PGS1: variants seen among roughly 807,000 people sequenced by gnomAD.
PGS1 encodes the protein phosphatidylglycerophosphate synthase 1.
Under a neutral mutation model 58.3 loss-of-function variants are expected in PGS1, and 44 were observed. The ratio of observed to expected loss-of-function variants is 0.75; its 90% CI spans 0.59 to 0.97. The LOEUF is 0.97. Among genes scored for constraint, PGS1 ranks in the 50% least tolerant of loss-of-function variants. The pLI is 0.00. For synonymous variants in PGS1, 330 were observed against 311.0 expected, an observed-to-expected ratio of 1.06 and a Z score of -0.64; for missense variants, 684 against 731.1, an observed-to-expected ratio of 0.94 and a Z score of 0.74.
chr17:78,404,668 C>A (rs1228742860), intron 7 of PGS1, among the ~76,000 whole-genome samples: 6 of 151,948 alleles, frequency 3.9e-5, no homozygotes, highest in Non-Finnish European at 8.8e-5. Flanking sequence ...GAGGAACATG[C>A]CTTAGCTGTG....
At chr17:78,417,413 C>A (rs1037232862) in intron 8 of PGS1, among the ~76,000 whole-genome samples, 14 of 152,200 alleles carry the variant, frequency 9.2e-5, no homozygotes, top group African/African-American at 3.4e-4. Context: ...TGCGGGGCTG[C>A]TCAGTTGGGA....
At chr17:78,411,902 C>CTT (rs35472026) in intron 7 of PGS1, among the ~76,000 whole-genome samples, 5,223 of 58,002 alleles carry the variant, frequency 0.09, 1,525 homozygotes, top group East Asian at 0.52. Flanking sequence ...AGGGCTCCTG[C>CTT]TTTTTTTTTT....
chr17:78,383,251 CTTT>C (rs148101901), intron 1 of PGS1, among the ~76,000 whole-genome samples: 1 of 146,456 alleles, frequency 6.8e-6, no homozygotes. Flanking sequence ...ATTTTCTTTC[CTTT>C]TTTTTTTTTT....
Position 78,424,450 on chromosome 17 carries a change from G to C in PGS1, c.*400G>C. 1 of 367,092 alleles carries C rather than the reference G, an allele frequency of 2.7e-6. No homozygotes were observed. The highest frequency in any genetic ancestry group is 5.4e-5 in the South Asian group (1 of 18,620). 22.7% of individuals were successfully genotyped at this position (367,092 alleles called of 1,614,324 possible). Reference sequence around the variant, plus strand: ...CTGTCAGCCTTAATGTCAGTGGCAGGAAGTCATAACTCCAGCTAAAAATTA... The same window carrying C: ...CTGTCAGCCTTAATGTCAGTGGCAGCAAGTCATAACTCCAGCTAAAAATTA... On this transcript the variant is annotated 3_prime_UTR_variant, in exon 10 of 10. Coordinates refer to ENST00000262764, the MANE Select transcript of PGS1 (RefSeq NM_024419.5).
rs181179626 is a variant in PGS1 at position 78,384,161 on chromosome 17, G to A, written c.143+5353G>A. ...CGACTTCCTTTTGGCTAAGCCAAGG[G>A]GAGAGTCATCTAGTCAGCATGTAGC... On this transcript the variant is annotated intron_variant, in intron 1 of 9. Transcript: ENST00000262764. Among the ~76,000 whole-genome samples the A allele has an allele frequency of 2.8e-3, 429 of 152,276 alleles. 11 individuals are homozygous for A. The highest frequency in any genetic ancestry group is 0.026 in the Admixed American group (403 of 15,296).
chr17:78,404,741 A>ACCT (rs1418637074), intron 7 of PGS1, among the ~76,000 whole-genome samples: 2 of 151,796 alleles, frequency 1.3e-5, no homozygotes, highest in Admixed American at 1.3e-4. Context: ...GCTCACCGCA[A>ACCT]CCTCCTCCTC....
At chr17:78,423,627 T>G in intron 9 of PGS1, 2 of 419,638 alleles carry the variant, frequency 4.8e-6, no homozygotes, top group East Asian at 8.5e-5. Context: ...CTGCTGGGAA[T>G]TGGGGCCTTT....
chr17:78,422,474 A>G (rs2085922694), intron 9 of PGS1, among the ~76,000 whole-genome samples: 1 of 125,266 alleles, frequency 8.0e-6, no homozygotes, highest in Admixed American at 7.7e-5. Context: ...CTGAACGTAG[A>G]ACGATATTCC....
At chr17:78,399,899 C>G (rs150173443) in intron 5 of PGS1, 62 of 292,610 alleles carry the variant, frequency 2.1e-4, no homozygotes, top group East Asian at 2.1e-3. Flanking sequence ...AAACAAGAGT[C>G]AGACCTGGAA....
At chr17:78,423,898 G>A in intron 9 of PGS1, 163 bp from the exon 10 acceptor site, 3 of 1,613,724 alleles carry the variant, frequency 1.9e-6, no homozygotes, top group Non-Finnish European at 2.5e-6. Context: ...CTGTGAGGCA[G>A]GAGCGAGCTA....
chr17:78,415,449 G>A (rs1281535845), intron 8 of PGS1, among the ~76,000 whole-genome samples: 1 of 152,140 alleles, frequency 6.6e-6, no homozygotes, highest in African/African-American at 2.4e-5. Flanking sequence ...TGGCCAACAT[G>A]GTGAAACCCC....
intron 2 of PGS1, 73 bp downstream of exon 2, chr17:78,392,738 T>C (rs777639470): frequency 2.5e-6 from 3 of 1,188,140 alleles, no homozygotes; most frequent in Non-Finnish European, 3.6e-6. Flanking sequence ...CCTGAGTGCT[T>C]TCTAGTCTAG....
At chr17:78,401,233 T>A (rs1027083856) in intron 6 of PGS1, among the ~76,000 whole-genome samples, 4 of 152,144 alleles carry the variant, frequency 2.6e-5, no homozygotes, top group Non-Finnish European at 5.9e-5. Flanking sequence ...CAGGACGCAG[T>A]TAACAAATAG....
At chr17:78,393,063 C>CTT (rs772201899) in intron 2 of PGS1, among the ~76,000 whole-genome samples, 13 of 141,618 alleles carry the variant, frequency 9.2e-5, no homozygotes, top group African/African-American at 2.3e-4. Flanking sequence ...GACTTCGATT[C>CTT]TTTTTTTTTT....
chr17:78,399,449 C>G lies in PGS1; in HGVS notation c.613C>G (p.Arg205Gly). The change falls in exon 5 of 10, where the codon CGG (arginine) becomes GGG (glycine). Residue 205 changes from arginine (R) to glycine (G), a missense_variant. By Grantham distance (125) the Arg-to-Gly change is moderately radical. Coordinates refer to ENST00000262764, the MANE Select transcript of PGS1 (RefSeq NM_024419.5). ...FHTPHLRGLL[R>G]LLIPERFNET... ...CACGCCGCACCTCCGTGGGCTGCTT[C>G]GGCTCCTCATCCCTGAGCGCTTCAA... 1 of 1,614,160 alleles carries G rather than the reference C, an allele frequency of 6.2e-7. No individual in the cohort carries two copies. The highest frequency in any genetic ancestry group is 8.5e-7 in the Non-Finnish European group (1 of 1,180,020).
At chr17:78,413,113 G>A (rs994359523) in intron 7 of PGS1, among the ~76,000 whole-genome samples, 13 of 152,224 alleles carry the variant, frequency 8.5e-5, no homozygotes, top group African/African-American at 3.1e-4. Context: ...CCAGCGGAGC[G>A]GTACTGTTTA....
intron 5 of PGS1, chr17:78,399,869 G>A: frequency 3.2e-6 from 1 of 315,048 alleles, no homozygotes. Context: ...ACTTTGTCAG[G>A]TAGACAGAGC....
chr17:78,405,964 T>G (rs767241799), intron 7 of PGS1, among the ~76,000 whole-genome samples: 9 of 152,190 alleles, frequency 5.9e-5, no homozygotes, highest in Admixed American at 4.6e-4. Flanking sequence ...TCAGGTGGTT[T>G]GTTTTTGTTT....
rs1272231048 is a variant in PGS1 at position 78,400,270 on chromosome 17, A to G, written c.702-407A>G. ...TGTGGTGGCACACACCTGTAATCCC[A>G]GCTACTCGGGAGGCTGAGGCAGGAG... On this transcript the variant is annotated intron_variant, in intron 5 of 9. Transcript: ENST00000262764. This position sits in a 1 kb window ranked among gnomAD's most constrained non-coding sequence, Gnocchi z 4.4. 3.3e-5 allele frequency among the ~76,000 whole-genome samples: 5 copies of G among 151,974 alleles called. No individual in the cohort carries two copies. Among genetic ancestry groups the G allele is most frequent in the Non-Finnish European group, 5.9e-5 (4 of 67,984 alleles).
Sources: gnomAD v4.1 joint callset for allele counts (sites outside exome capture counted in the v4.1 genomes callset) on GRCh38, gnomAD v4.1.1 for gene constraint, Gnocchi (gnomAD v3.1) non-coding constraint, MANE v1.5 for transcripts, NCBI Gene and HGNC (gene_info 2026-07-23, HGNC 2026-07-21) for gene names.